PAPPA2: variants seen among roughly 807,000 people sequenced by gnomAD.
PAPPA2 encodes pappalysin 2.
Under a neutral mutation model 176.4 loss-of-function variants are expected in PAPPA2, and 86 were observed. The observed-to-expected ratio is 0.49, with a 90% CI of 0.41 to 0.58. The LOEUF (loss-of-function observed/expected upper bound fraction) is 0.58, where lower values mean the gene tolerates loss of function less well. Among genes scored for constraint, PAPPA2 ranks in the 20% least tolerant of loss-of-function variants. The pLI, the probability that PAPPA2 is intolerant of heterozygous loss-of-function variation, is 0.00. For synonymous variants in PAPPA2, 809 were observed against 852.2 expected (o/e 0.95, Z 0.88); for missense variants, 2,073 against 2,256.9 (o/e 0.92, Z 1.65).
chr1:176,703,893 C>A (rs1660765967), intron 9 of PAPPA2, among the ~76,000 whole-genome samples: 1 of 152,202 alleles, frequency 6.6e-6, no homozygotes, highest in Non-Finnish European at 1.5e-5. Context: ...TTGGATGCTT[C>A]ACATTGCAGA....
rs780676824 is a variant in PAPPA2 at position 176,684,162 on chromosome 1, T to C, written c.2138-5975T>C. Among the ~76,000 whole-genome samples, 78 of 152,350 alleles carry C rather than the reference T, an allele frequency of 5.1e-4. 1 individual carries two copies. Among genetic ancestry groups the C allele is most frequent in the Non-Finnish European group, 2.1e-4 (14 of 68,034 alleles). On this transcript the variant is annotated intron_variant, in intron 4 of 22. Coordinates refer to ENST00000367662, the MANE Select transcript of PAPPA2 (RefSeq NM_020318.3). ...TTTCCTTGCTTTTCATTCTGTTGTA[T>C]TACTTCCTAATGAGGTTAATACATG...
chr1:176,690,322 G>A lies in PAPPA2; in HGVS notation c.2323G>A (p.Ala775Thr), dbSNP rs749706309. The change falls in exon 5 of 23, where the codon GCC (alanine) becomes ACC (threonine). Residue 775 changes from alanine to threonine, a missense_variant. Around this residue, in one of 4 missense-constraint regions of PAPPA2, gnomAD observed 1,196 missense variants for 1,330.4 expected, o/e 0.90. Transcript: ENST00000367662. ...AACGGGAGACCTCTGTGCCGACACC[G>A]CCCCCACTCCCAAGAGTGAGCTGTG... ...METGDLCADT[A>T]PTPKSELCRE... 7.4e-6 allele frequency: 12 copies of A among 1,613,982 alleles called. No homozygotes were observed. The highest frequency in any genetic ancestry group is 2.7e-5 in the African/African-American group (2 of 74,896).
intron 1 of PAPPA2, among the ~76,000 whole-genome samples, chr1:176,466,300 A>G (rs936984372): frequency 6.6e-6 from 1 of 152,188 alleles, no homozygotes; most frequent in Non-Finnish European, 1.5e-5. Context: ...TGTGCTAGGC[A>G]AGAGGTTGGA....
chr1:176,530,801 T>C (rs773880995), intron 1 of PAPPA2, among the ~76,000 whole-genome samples: 8 of 152,220 alleles, frequency 5.3e-5, no homozygotes, highest in Non-Finnish European at 8.8e-5. Flanking sequence ...GGGGCATACA[T>C]TTCATGGAGT....
chr1:176,554,722 A>C lies in PAPPA2; in HGVS notation c.-916-685A>C, dbSNP rs538335879. On this transcript the variant is annotated intron_variant, in intron 1 of 22. Transcript: ENST00000367662. ...CAGATTGAGAAACTTCTGAGATAAA[A>C]AGGAGACCTATGTAGTATGAATTCA... 2.0e-5 allele frequency among the ~76,000 whole-genome samples: 3 copies of C among 152,308 alleles called. No individual in the cohort carries two copies. In the East Asian group the frequency reaches 5.8e-4, roughly 29 times the overall value.
At chr1:176,631,320 T>C (rs1325516206) in intron 3 of PAPPA2, among the ~76,000 whole-genome samples, 1 of 152,090 alleles carries the variant, frequency 6.6e-6, no homozygotes, top group Non-Finnish European at 1.5e-5. Flanking sequence ...TTATATTACA[T>C]ACCCAGAAGA....
intron 4 of PAPPA2, among the ~76,000 whole-genome samples, chr1:176,674,559 G>C (rs1573232569): frequency 6.6e-6 from 1 of 151,976 alleles, no homozygotes; most frequent in South Asian, 2.1e-4. Context: ...ATGTTCTCCA[G>C]CTCCATCTAG....
At chr1:176,469,032 G>A (rs1651756915) in intron 1 of PAPPA2, among the ~76,000 whole-genome samples, 1 of 152,202 alleles carries the variant, frequency 6.6e-6, no homozygotes, top group African/African-American at 2.4e-5. Context: ...TTCAAGCTCT[G>A]TTGCTAACTG....
intron 21 of PAPPA2, among the ~76,000 whole-genome samples, chr1:176,833,811 C>CAT (rs962810508): frequency 3.3e-5 from 5 of 151,242 alleles, no homozygotes; most frequent in Admixed American, 1.3e-4. Flanking sequence ...ACATGACCTA[C>CAT]ATATATATGT....
At chr1:176,531,024 A>G (rs1390247886) in intron 1 of PAPPA2, among the ~76,000 whole-genome samples, 1 of 152,250 alleles carries the variant, frequency 6.6e-6, no homozygotes, top group Non-Finnish European at 1.5e-5. Context: ...TTGGTAGTTC[A>G]TAAAAGACAA....
intron 2 of PAPPA2, among the ~76,000 whole-genome samples, chr1:176,570,223 C>A (rs777849395): frequency 6.6e-6 from 1 of 152,192 alleles, no homozygotes; most frequent in Admixed American, 6.5e-5. Context: ...ACTCTGCTTC[C>A]GTTCCAAGTC....
At chr1:176,580,012 A>G (rs1652871272) in intron 2 of PAPPA2, among the ~76,000 whole-genome samples, 1 of 152,178 alleles carries the variant, frequency 6.6e-6, no homozygotes, top group African/African-American at 2.4e-5. Flanking sequence ...TGTATTGGGA[A>G]AATTCAATAT....
intron 6 of PAPPA2, among the ~76,000 whole-genome samples, chr1:176,693,472 A>G (rs1660216723): frequency 6.6e-6 from 1 of 152,216 alleles, no homozygotes; most frequent in African/African-American, 2.4e-5. Flanking sequence ...TCTTTGCACC[A>G]CACTTTCCCT....
At chr1:176,640,281 C>T (rs904597033) in intron 3 of PAPPA2, among the ~76,000 whole-genome samples, 10 of 150,916 alleles carry the variant, frequency 6.6e-5, no homozygotes, top group African/African-American at 1.9e-4. Flanking sequence ...CATGCTGGTG[C>T]GCTGCACCCA....
intron 1 of PAPPA2, among the ~76,000 whole-genome samples, chr1:176,477,512 C>T (rs1337899512): frequency 1.3e-5 from 2 of 151,986 alleles, no homozygotes; most frequent in Non-Finnish European, 2.9e-5. Flanking sequence ...TTTGGGAGGC[C>T]GAGGTGGGCA....
At chr1:176,620,244 A>G (rs942571712) in intron 3 of PAPPA2, among the ~76,000 whole-genome samples, 1 of 152,148 alleles carries the variant, frequency 6.6e-6, no homozygotes, top group African/African-American at 2.4e-5. Flanking sequence ...CCTAATGACC[A>G]TCACCTTGGG....
intron 12 of PAPPA2, among the ~76,000 whole-genome samples, chr1:176,715,538 G>A (rs1324043913): frequency 6.6e-6 from 1 of 152,188 alleles, no homozygotes; most frequent in East Asian, 1.9e-4. Context: ...GTGGGAAACA[G>A]TCATATCTCA....
chr1:176,832,535 TAG>T (rs1667117808), intron 21 of PAPPA2, among the ~76,000 whole-genome samples: 1 of 152,140 alleles, frequency 6.6e-6, no homozygotes, highest in Non-Finnish European at 1.5e-5. Context: ...GTATTTTTAG[TAG>T]AGACAGGGTT....
chr1:176,631,080 A>T (rs937338863), intron 3 of PAPPA2, among the ~76,000 whole-genome samples: 1 of 152,222 alleles, frequency 6.6e-6, no homozygotes, highest in Admixed American at 6.5e-5. Context: ...CGAAACTGGA[A>T]AAAAGCAGAG....
Sources: allele counts gnomAD v4.1 joint callset (sites outside exome capture counted in the v4.1 genomes callset), GRCh38; gene constraint gnomAD v4.1.1; regional missense constraint gnomAD v4.1.1; transcripts MANE v1.5; gene names NCBI Gene and HGNC (gene_info 2026-07-23, HGNC 2026-07-21).